RBFOX1: variants seen among roughly 807,000 people sequenced by gnomAD.
RBFOX1 encodes RNA binding protein fox-1 homolog 1.
A neutral mutation model predicts 57.7 loss-of-function variants in RBFOX1; 8 were observed. That is an observed-to-expected ratio of 0.14 (90% confidence interval 0.08 to 0.25). The LOEUF (loss-of-function observed/expected upper bound fraction) is 0.25. Ranked by LOEUF, RBFOX1 falls within the 10% of genes least tolerant of loss-of-function variation. The pLI, the probability that RBFOX1 is intolerant of heterozygous loss-of-function variation, is 1.00. For missense variants in RBFOX1, 611 were observed against 548.5 expected, an observed-to-expected ratio of 1.11 and a Z score of -1.14; for synonymous variants, 326 against 222.4, an observed-to-expected ratio of 1.47 and a Z score of -4.15.
At chr16:5,811,530 A>G (rs1057379127) in intron 3 of RBFOX1, among the ~76,000 whole-genome samples, 8 of 151,086 alleles carry the variant, frequency 5.3e-5, no homozygotes, top group Middle Eastern at 7.1e-3. Flanking sequence ...AGCTCACCGC[A>G]ACCTCTGCCT....
chr16:7,472,060 T>A (rs555468633), intron 4 of RBFOX1, among the ~76,000 whole-genome samples: 1 of 152,344 alleles, frequency 6.6e-6, no homozygotes, highest in South Asian at 2.1e-4. Context: ...TTAGCTGCTA[T>A]GCCTGGCATC....
chr16:5,567,655 A>AT (rs1369040858), intron 2 of RBFOX1, among the ~76,000 whole-genome samples: 1 of 150,294 alleles, frequency 6.7e-6, no homozygotes, highest in African/African-American at 2.4e-5. Context: ...AAAAAAAAAA[A>AT]AAAGCCTCCT....
At chr16:7,526,329 C>T (rs975614078) in intron 5 of RBFOX1, among the ~76,000 whole-genome samples, 1 of 152,172 alleles carries the variant, frequency 6.6e-6, no homozygotes, top group African/African-American at 2.4e-5. Flanking sequence ...AGATTGGTTT[C>T]TTCGTGGCTG....
chr16:5,756,221 A>G (rs1490390818), intron 3 of RBFOX1, among the ~76,000 whole-genome samples: 1 of 116,958 alleles, frequency 8.6e-6, no homozygotes, highest in African/African-American at 3.8e-5. Context: ...CTTCCACATA[A>G]GCAAAAAAAA....
chr16:6,251,294 C>G (rs553812564), intron 1 of RBFOX1, among the ~76,000 whole-genome samples: 4 of 152,222 alleles, frequency 2.6e-5, no homozygotes, highest in Admixed American at 2.6e-4. Flanking sequence ...GCACAGCACC[C>G]TTGATATTAA....
At chr16:7,105,477 C>T (rs2063415044) in intron 4 of RBFOX1, among the ~76,000 whole-genome samples, 1 of 152,068 alleles carries the variant, frequency 6.6e-6, no homozygotes, top group African/African-American at 2.4e-5. Flanking sequence ...TCCCTTACTG[C>T]ACTTCCACCC....
chr16:7,198,165 C>G (rs1567670784), intron 4 of RBFOX1, among the ~76,000 whole-genome samples: 1 of 152,012 alleles, frequency 6.6e-6, no homozygotes, highest in Non-Finnish European at 1.5e-5. Flanking sequence ...GCCACCACAG[C>G]TGGCTAATCT....
intron 3 of RBFOX1, among the ~76,000 whole-genome samples, chr16:6,872,011 C>A (rs1164830417): frequency 1.3e-5 from 2 of 149,878 alleles, no homozygotes; most frequent in East Asian, 4.0e-4. Flanking sequence ...TATACTCAAT[C>A]CTATTGTTCA....
At position 5,563,189 on chromosome 16, in the gene RBFOX1, T is replaced by G. The variant is rs911786993; in HGVS notation, c.259-35713T>G. On this transcript the variant is annotated intron_variant, in intron 2 of 2. Coordinates refer to the RBFOX1 transcript ENST00000585867. ...GTCTTGAACTCCTGACATCAGGTGA[T>G]CTGCCTGCCTTGGCCTCCCAAAGTG... Among the ~76,000 whole-genome samples, 21 of 152,208 alleles carry G rather than the reference T, an allele frequency of 1.4e-4. 1 individual carries two copies. The highest frequency in any genetic ancestry group is 1.3e-3 in the Admixed American group (20 of 15,288).
At chr16:7,430,716 G>A (rs2098671106) in intron 4 of RBFOX1, among the ~76,000 whole-genome samples, 1 of 151,608 alleles carries the variant, frequency 6.6e-6, no homozygotes, top group South Asian at 2.1e-4. Context: ...TTGCCAGCAT[G>A]GCATGGAATA....
intron 3 of RBFOX1, among the ~76,000 whole-genome samples, chr16:5,679,059 T>A (rs1176521628): frequency 6.6e-6 from 1 of 152,234 alleles, no homozygotes; most frequent in African/African-American, 2.4e-5. Context: ...ATCACTTTTA[T>A]GAAACCTGCA....
chr16:7,693,941 C>T lies in RBFOX1; in HGVS notation c.996-15115C>T, dbSNP rs149610794. Among the ~76,000 whole-genome samples, 84 of 152,174 alleles carry T rather than the reference C, an allele frequency of 5.5e-4. 1 individual carries two copies. In the East Asian group the frequency reaches 0.013, roughly 24 times the overall value. On this transcript the variant is annotated intron_variant, in intron 14 of 15. Transcript: ENST00000550418. ...CTCAAGTAGCAGGACTTAGAGAGACCAGGTCTTTTGGTTTTGAAACCAGGA... is the reference window on the plus strand; with the variant it reads ...CTCAAGTAGCAGGACTTAGAGAGACTAGGTCTTTTGGTTTTGAAACCAGGA...
intron 3 of RBFOX1, among the ~76,000 whole-genome samples, chr16:5,642,727 C>G (rs1567337244): frequency 6.6e-6 from 1 of 152,162 alleles, no homozygotes; most frequent in East Asian, 1.9e-4. Context: ...GACTCATGTG[C>G]TCCCGGGAGG....
rs531085150 is a variant in RBFOX1, at chr16:7,131,522, C to T, written c.27+79424C>T. 5.9e-5 allele frequency among the ~76,000 whole-genome samples: 9 copies of T among 151,694 alleles called. No individual in the cohort carries two copies. In the East Asian group the frequency reaches 1.6e-3, roughly 26 times the overall value. On this transcript the variant is annotated intron_variant, in intron 4 of 15. Coordinates refer to ENST00000550418, the MANE Select transcript of RBFOX1 (RefSeq NM_018723.4). Reference sequence around the variant, plus strand: ...TGAGTACCTGAAAGGATGGAATAAACTCACCATAATCAACCTAGCTGGCAA... The same window carrying T: ...TGAGTACCTGAAAGGATGGAATAAATTCACCATAATCAACCTAGCTGGCAA...
chr16:6,249,499 G>T (rs374385708), intron 1 of RBFOX1, among the ~76,000 whole-genome samples: 26 of 152,100 alleles, frequency 1.7e-4, no homozygotes, highest in African/African-American at 6.3e-4. Flanking sequence ...ACTCCAGCTT[G>T]GGCGACAGAG....
At chr16:6,690,617 A>T (rs1339766024) in intron 3 of RBFOX1, among the ~76,000 whole-genome samples, 2 of 152,120 alleles carry the variant, frequency 1.3e-5, no homozygotes, top group Non-Finnish European at 2.9e-5. Context: ...CCAAGCAGGG[A>T]TTGGTTGATT....
chr16:5,596,721 A>C (rs1481403692), intron 2 of RBFOX1, among the ~76,000 whole-genome samples: 2 of 152,224 alleles, frequency 1.3e-5, no homozygotes, highest in Non-Finnish European at 2.9e-5. Flanking sequence ...GACTGAAAAG[A>C]AAGTGACAAA....
intron 11 of RBFOX1, among the ~76,000 whole-genome samples, chr16:7,650,771 T>A (rs1043356755): frequency 1.2e-4 from 19 of 152,214 alleles, no homozygotes; most frequent in African/African-American, 4.6e-4. Context: ...GAATTTTTCA[T>A]TTTCTTTATT....
At chr16:6,150,295 A>G (rs1364154184) in intron 1 of RBFOX1, among the ~76,000 whole-genome samples, 1 of 152,024 alleles carries the variant, frequency 6.6e-6, no homozygotes, top group Non-Finnish European at 1.5e-5. Context: ...GATTGTTATG[A>G]CTTTTACCCA....
Sources: gnomAD v4.1 joint callset for allele counts (sites outside exome capture counted in the v4.1 genomes callset) on GRCh38, gnomAD v4.1.1 for gene constraint, MANE v1.5 for transcripts, NCBI Gene and HGNC (gene_info 2026-07-23, HGNC 2026-07-21) for gene names.